SLC25A36: variants seen among roughly 807,000 people sequenced by gnomAD.
SLC25A36 encodes the protein epididymis secretory sperm binding protein.
In SLC25A36, 24 loss-of-function variants were observed where a neutral mutation model predicts 35.3. The ratio of observed to expected loss-of-function variants is 0.68; its 90% confidence interval spans 0.49 to 0.96. The LOEUF is 0.96. Ranked by LOEUF, SLC25A36 falls within the 40% of genes least tolerant of loss-of-function variation. The probability of loss-of-function intolerance (pLI) is 0.00; values close to 1 mark genes in which losing one functional copy is unlikely to be tolerated. For synonymous variants in SLC25A36, 141 were observed against 132.2 expected (o/e 1.07, Z -0.46); for missense variants, 294 against 381.1 (o/e 0.77, Z 1.90).
At position 140,980,830 on chromosome 3, in the gene SLC25A36, C is replaced by T. The variant is rs1044891370; in HGVS notation, c.*4377C>T. ...ATTCTGCCTCAGCCTGACTTCCCTT[C>T]TGTTTCTTTATTTTCGCACTGTGTA... On this transcript the variant is annotated 3_prime_UTR_variant, in exon 7 of 7. Transcript: ENST00000324194. Among the ~76,000 whole-genome samples, 1 of 151,686 alleles carries T rather than the reference C, an allele frequency of 6.6e-6. No homozygotes were observed. The highest frequency in any genetic ancestry group is 1.5e-5 in the Non-Finnish European group (1 of 67,956).
chr3:140,957,224 A>G (rs1934503234), intron 2 of SLC25A36, among the ~76,000 whole-genome samples: 2 of 152,214 alleles, frequency 1.3e-5, no homozygotes, highest in South Asian at 4.1e-4. Flanking sequence ...TTTCAAAACT[A>G]TTAAAATTAG....
At chr3:140,972,281 A>C (rs1934924548) in intron 5 of SLC25A36, among the ~76,000 whole-genome samples, 1 of 152,176 alleles carries the variant, frequency 6.6e-6, no homozygotes, top group Non-Finnish European at 1.5e-5. Flanking sequence ...ATTGTAACAC[A>C]AGCTGGCACA....
At chr3:140,952,444 C>T (rs11715248) in intron 1 of SLC25A36, among the ~76,000 whole-genome samples, 11,380 of 152,164 alleles carry the variant, frequency 0.075, 538 homozygotes, top group East Asian at 0.17. Flanking sequence ...CCATGCCTGG[C>T]CAGTTTAGAT....
intron 1 of SLC25A36, among the ~76,000 whole-genome samples, chr3:140,955,472 G>A (rs193249082): frequency 7.9e-5 from 12 of 152,056 alleles, no homozygotes; most frequent in African/African-American, 2.9e-4. Flanking sequence ...GTTTTAAGAG[G>A]AAATTATTTT....
At chr3:140,968,373 T>C (rs1362996405) in intron 4 of SLC25A36, 2 of 867,224 alleles carry the variant, frequency 2.3e-6, no homozygotes, top group Non-Finnish European at 2.8e-6. Flanking sequence ...TAGCTCTCAT[T>C]GGGAGAGTTG....
chr3:140,942,247 G>A, intron 1 of SLC25A36, 152 bp downstream of exon 1: 1 of 216,370 alleles, frequency 4.6e-6, no homozygotes, highest in Non-Finnish European at 8.6e-6. Flanking sequence ...CGGGTGAGGG[G>A]AGCGACCCAG....
chr3:140,958,148 A>T (rs7621150), intron 2 of SLC25A36, among the ~76,000 whole-genome samples: 1 of 152,042 alleles, frequency 6.6e-6, no homozygotes. Context: ...CTGGCTACTC[A>T]GTTCAGGCCT....
intron 1 of SLC25A36, among the ~76,000 whole-genome samples, chr3:140,948,087 G>A (rs1265344039): frequency 6.6e-6 from 1 of 152,146 alleles, no homozygotes; most frequent in Non-Finnish European, 1.5e-5. Context: ...CCAAGTAGCT[G>A]GGATTACAGG....
At position 140,968,441 on chromosome 3, in the gene SLC25A36, G is replaced by C. The variant is rs557032731; in HGVS notation, c.386-2486G>C. 1.1e-5 allele frequency: 11 copies of C among 982,978 alleles called. No individual in the cohort carries two copies. In the African/African-American group the frequency reaches 1.6e-4, roughly 14 times the overall value. 60.9% of individuals were successfully genotyped at this position (982,978 alleles called of 1,614,324 possible). A position where few individuals can be genotyped will look rare whatever the true frequency, so the allele number is the denominator to read the frequency against. On this transcript the variant is annotated intron_variant, in intron 4 of 6. Transcript: ENST00000324194. ...GATAATAGCAATTACGTAGGGATAAGATAACATTCTCTCACTTACCTAAAT... is the reference window on the plus strand; with the variant it reads ...GATAATAGCAATTACGTAGGGATAACATAACATTCTCTCACTTACCTAAAT...
At chr3:140,963,567 A>G (rs571703516) in intron 4 of SLC25A36, 4 of 162,490 alleles carry the variant, frequency 2.5e-5, no homozygotes, top group South Asian at 1.8e-4. Flanking sequence ...TCTCTCCTCA[A>G]TTTCTGTTAG....
chr3:140,945,181 A>AG (rs1037771261), intron 1 of SLC25A36, among the ~76,000 whole-genome samples: 7 of 152,190 alleles, frequency 4.6e-5, no homozygotes, highest in African/African-American at 1.7e-4. Context: ...CTCACGTAGT[A>AG]GGAGAGGCTA....
intron 4 of SLC25A36, chr3:140,966,154 A>C (rs1003535187): frequency 1.3e-5 from 2 of 152,922 alleles, no homozygotes; most frequent in Non-Finnish European, 2.9e-5. Flanking sequence ...TTTTCAATTT[A>C]TGTTTTTCTA....
At chr3:140,969,378 T>C (rs1934844320) in intron 4 of SLC25A36, among the ~76,000 whole-genome samples, 2 of 151,950 alleles carry the variant, frequency 1.3e-5, no homozygotes, top group Non-Finnish European at 2.9e-5. Flanking sequence ...GTTTAGTACC[T>C]GCTGATGCGT....
intron 3 of SLC25A36, among the ~76,000 whole-genome samples, chr3:140,961,510 T>G (rs1219077594): frequency 6.6e-6 from 1 of 152,130 alleles, no homozygotes; most frequent in Admixed American, 6.5e-5. Flanking sequence ...TTTTTTAGGA[T>G]GGTCACCTAA....
Position 140,979,569 on chromosome 3 carries a change from T to A in SLC25A36, c.*3116T>A, listed in dbSNP as rs1321574303. The A allele has an allele frequency of 6.6e-6, 1 of 152,184 alleles. No individual in the cohort carries two copies. Among genetic ancestry groups the A allele is most frequent in the Non-Finnish European group, 1.5e-5 (1 of 68,008 alleles). 9.4% of individuals were successfully genotyped at this position (152,184 alleles called of 1,614,324 possible). ...ATGATTTAAATTTGAGGAATTTTAA[T>A]ACATAAAATACAATGTACAAACTTT... is the stretch of plus-strand genomic sequence containing the variant. On this transcript the variant is annotated 3_prime_UTR_variant, in exon 7 of 7. Transcript: ENST00000324194.
chr3:140,959,188 T>G (rs114172028), intron 2 of SLC25A36, among the ~76,000 whole-genome samples: 11,294 of 151,776 alleles, frequency 0.074, 523 homozygotes, highest in East Asian at 0.17. Context: ...GCTAATTTCT[T>G]TATTTTTATT....
chr3:140,970,781 G>C (rs764575103), intron 4 of SLC25A36, 146 bp from the exon 5 acceptor site: 2 of 439,750 alleles, frequency 4.5e-6, no homozygotes, highest in Admixed American at 3.9e-5. Context: ...AATGTTTGTC[G>C]TATGTGAAAA....
intron 6 of SLC25A36, among the ~76,000 whole-genome samples, chr3:140,975,438 G>C (rs572487194): frequency 6.6e-6 from 1 of 152,046 alleles, no homozygotes; most frequent in Admixed American, 6.6e-5. Context: ...TAAATGGCAC[G>C]AATCTTTAAG....
intron 1 of SLC25A36, 30 bp downstream of exon 1, chr3:140,942,125 G>A (rs371684070): frequency 2.7e-5 from 30 of 1,124,564 alleles, no homozygotes; most frequent in Middle Eastern, 3.1e-4. Flanking sequence ...TGCGCACTGG[G>A]GCTGAGGGTG....
Sources: allele counts gnomAD v4.1 joint callset (sites outside exome capture counted in the v4.1 genomes callset), GRCh38; gene constraint gnomAD v4.1.1; transcripts MANE v1.5; gene names NCBI Gene and HGNC (gene_info 2026-07-23, HGNC 2026-07-21).